The following LARS1 variants were observed in gnomAD, a reference collection of about 807,000 sequenced individuals.
LARS1 encodes the protein leucine--tRNA ligase, cytoplasmic.
In LARS1, 100 loss-of-function variants were observed where a neutral mutation model predicts 162.8. That is an observed-to-expected ratio of 0.61 (90% CI 0.52 to 0.73). The LOEUF is 0.73. Ranked by LOEUF, LARS1 falls within the 30% of genes least tolerant of loss-of-function variation. The pLI is 0.00. For missense variants in LARS1, 1,258 were observed against 1,408.9 expected (o/e 0.89, Z 1.71); for synonymous variants, 457 against 462.8 (o/e 0.99, Z 0.16).
chr5:146,181,347 G>C (rs1449878772), intron 1 of LARS1, among the ~76,000 whole-genome samples: 1 of 147,744 alleles, frequency 6.8e-6, no homozygotes, highest in Non-Finnish European at 1.5e-5. Context: ...GCAAGGCTCC[G>C]TCTCAAGAAA....
At chr5:146,124,476 T>G (rs557137735) in intron 28 of LARS1, among the ~76,000 whole-genome samples, 80 of 151,948 alleles carry the variant, frequency 5.3e-4, no homozygotes, top group African/African-American at 1.8e-3. Context: ...AAAACAAAAT[T>G]TTAATTTTCT....
chr5:146,171,773 A>G (rs906348063), intron 4 of LARS1, 137 bp downstream of exon 4: 1 of 591,156 alleles, frequency 1.7e-6, no homozygotes, highest in Admixed American at 3.4e-5. Flanking sequence ...TTTTTAAATT[A>G]ATTTTCACTA....
At chr5:146,158,645 A>C (rs1428181377) in intron 8 of LARS1, among the ~76,000 whole-genome samples, 1 of 152,258 alleles carries the variant, frequency 6.6e-6, no homozygotes, top group Non-Finnish European at 1.5e-5. Context: ...GCAAGAAGGC[A>C]CATGATCAAA....
chr5:146,158,013 C>T (rs1052618783), intron 8 of LARS1, among the ~76,000 whole-genome samples: 2 of 151,974 alleles, frequency 1.3e-5, no homozygotes, highest in African/African-American at 4.8e-5. Context: ...ATAGTGTTTG[C>T]CAAAATGAAG....
intron 18 of LARS1, 152 bp from the exon 19 acceptor site, chr5:146,143,702 A>G: frequency 1.2e-6 from 1 of 801,396 alleles, no homozygotes; most frequent in Non-Finnish European, 1.9e-6. Context: ...AAAATTGTAG[A>G]TAAAAGACAA....
In LARS1 at chr5:146,144,605, C is replaced by T; in HGVS notation, c.1589+19G>A. ...TGAGCAAATTGACTAGGGGAATTTTCTTGCTATAAGAGACTAACCACTGGT... is the reference window on the plus strand; with the variant it reads ...TGAGCAAATTGACTAGGGGAATTTTTTTGCTATAAGAGACTAACCACTGGT... On this transcript the variant is annotated intron_variant, in intron 16 of 31. Coordinates refer to ENST00000394434, the MANE Select transcript of LARS1 (RefSeq NM_020117.11). 6.2e-7 allele frequency: 1 copy of T among 1,613,402 alleles called. No individual in the cohort carries two copies. Among genetic ancestry groups the T allele is most frequent in the East Asian group, 2.2e-5 (1 of 44,866 alleles).
intron 15 of LARS1, among the ~76,000 whole-genome samples, chr5:146,145,390 C>G (rs1200594354): frequency 6.6e-6 from 1 of 151,530 alleles, no homozygotes; most frequent in Non-Finnish European, 1.5e-5. Flanking sequence ...CCTATGGCAG[C>G]TTTTTATCCT....
At chr5:146,177,112 C>A (rs1754615023) in intron 2 of LARS1, among the ~76,000 whole-genome samples, 1 of 152,228 alleles carries the variant, frequency 6.6e-6, no homozygotes, top group African/African-American at 2.4e-5. Context: ...ATTATAAATA[C>A]AATCTACCTT....
intron 13 of LARS1, 123 bp downstream of exon 13, chr5:146,153,051 C>T: frequency 5.5e-6 from 4 of 724,786 alleles, no homozygotes; most frequent in Non-Finnish European, 6.6e-6. Flanking sequence ...GTGAGTAAAT[C>T]CTTAAGCAAA....
At position 146,144,539 on chromosome 5, in the gene LARS1, T is replaced by C; in HGVS notation, c.1590-2A>G. 1 of 1,613,876 alleles carries C rather than the reference T, an allele frequency of 6.2e-7. No individual in the cohort carries two copies. The highest frequency in any genetic ancestry group is 1.1e-5 in the South Asian group (1 of 90,986). On this transcript the variant is annotated splice_acceptor_variant, in intron 16 of 31. Coordinates refer to ENST00000394434, the MANE Select transcript of LARS1 (RefSeq NM_020117.11). LOFTEE classifies it high-confidence loss of function. ...TTCTCTTCTCCATAATCCAAGTACC[T>C]GGGAGTGGACAAATTGATATGTTTT...
At chr5:146,168,374 T>C in intron 4 of LARS1, 109 bp from the exon 5 acceptor site, 1 of 1,130,944 alleles carries the variant, frequency 8.8e-7, no homozygotes, top group Non-Finnish European at 1.2e-6. Context: ...TTTTGCAATA[T>C]ATTGATACCT....
chr5:146,181,848 C>CTTTTTCTTTT (rs1754864075), intron 1 of LARS1, among the ~76,000 whole-genome samples: 2 of 53,044 alleles, frequency 3.8e-5, no homozygotes, highest in African/African-American at 7.0e-5. Flanking sequence ...TCAATTTTTT[C>CTTTTTCTTTT]TTTTTTTTTT....
intron 21 of LARS1, among the ~76,000 whole-genome samples, chr5:146,136,482 ATTT>A (rs35080569): frequency 3.2e-4 from 46 of 141,628 alleles, no homozygotes; most frequent in Non-Finnish European, 3.4e-4. Context: ...CAGATTACCT[ATTT>A]TTTTTTTTTT....
rs374298616 is a variant in LARS1, at chr5:146,179,094, C to T, written c.7-1429G>A. Among the ~76,000 whole-genome samples, 11 of 152,028 alleles carry T rather than the reference C, an allele frequency of 7.2e-5. No individual in the cohort carries two copies. The East Asian group carries it at 7.8e-4, about 11-fold the overall frequency. ...TAAAAATACAAAAATTAGCCGGATG[C>T]GTTGGCATGCGCCTATAATCTCAGC... On this transcript the variant is annotated intron_variant, in intron 1 of 31. Coordinates refer to ENST00000394434, the MANE Select transcript of LARS1 (RefSeq NM_020117.11).
intron 29 of LARS1, among the ~76,000 whole-genome samples, chr5:146,123,392 A>G (rs1334782683): frequency 6.6e-6 from 1 of 151,912 alleles, no homozygotes. Context: ...CGTCACAGAT[A>G]TATAAAAGCT....
chr5:146,126,564 G>C lies in LARS1; in HGVS notation c.2881-19C>G, dbSNP rs1047424517. ...TATTGGCCTAAGAAAAGGAAGGAGG[G>C]AGAGTAATGTAGAAAAAAAAGTCTC... On this transcript the variant is annotated intron_variant, in intron 27 of 31. Transcript: ENST00000394434. 11 of 1,546,680 alleles carry C rather than the reference G, an allele frequency of 7.1e-6. No individual in the cohort carries two copies. Among genetic ancestry groups the C allele is most frequent in the Non-Finnish European group, 9.8e-6 (11 of 1,119,606 alleles).
chr5:146,161,955 A>T (rs1561825368), intron 6 of LARS1, among the ~76,000 whole-genome samples: 1 of 152,164 alleles, frequency 6.6e-6, no homozygotes, highest in Non-Finnish European at 1.5e-5. Context: ...TTCTCATGAG[A>T]TTATAGCAAT....
Position 146,113,897 on chromosome 5 carries a change from C to G in LARS1, c.*209G>C. ...AAAGAGTTTGGCAAAAACCATTTCT[C>G]TTGGACACCCAAAGAAAGGGAAAAA... On this transcript the variant is annotated 3_prime_UTR_variant, in exon 32 of 32. Transcript: ENST00000394434. 1 of 535,676 alleles carries G rather than the reference C, an allele frequency of 1.9e-6. No individual in the cohort carries two copies. Among genetic ancestry groups the G allele is most frequent in the South Asian group, 2.7e-5 (1 of 36,492 alleles). The allele number at this position is 535,676 out of a possible 1,614,324, so 33.2% of individuals were successfully genotyped here.
chr5:146,128,853 C>T (rs1443428498), intron 26 of LARS1, 71 bp from the exon 27 acceptor site: 1 of 1,428,430 alleles, frequency 7.0e-7, no homozygotes, highest in Non-Finnish European at 9.7e-7. Context: ...AACCCTCCCC[C>T]AACATACACC....
Sources: allele counts gnomAD v4.1 joint callset (sites outside exome capture counted in the v4.1 genomes callset), GRCh38; gene constraint gnomAD v4.1.1; transcripts MANE v1.5; gene names NCBI Gene and HGNC (gene_info 2026-07-23, HGNC 2026-07-21).